Variants in COL24A1 observed in about 807,000 individuals in gnomAD.
COL24A1 encodes collagen type XXIV alpha 1 chain.
Under a neutral mutation model 253.9 loss-of-function variants are expected in COL24A1, and 224 were observed. The ratio of observed to expected loss-of-function variants is 0.88; its 90% CI spans 0.79 to 0.99. COL24A1 has a LOEUF of 0.99. COL24A1 is among the 50% of genes least tolerant of loss of function. COL24A1 has a pLI of 0.00. For missense variants in COL24A1, 2,131 were observed against 2,068.5 expected (o/e 1.03, Z -0.59); for synonymous variants, 685 against 673.7 (o/e 1.02, Z -0.26).
chr1:86,098,160 T>C (rs1458042121), intron 5 of COL24A1, among the ~76,000 whole-genome samples: 1 of 152,232 alleles, frequency 6.6e-6, no homozygotes, highest in Non-Finnish European at 1.5e-5. Flanking sequence ...GGATACTCCC[T>C]AGTCTGCATG....
intron 18 of COL24A1, among the ~76,000 whole-genome samples, chr1:86,018,664 T>A (rs767258751): frequency 3.3e-5 from 5 of 152,226 alleles, no homozygotes; most frequent in Non-Finnish European, 5.9e-5. Flanking sequence ...TTGTAAAATT[T>A]TGATTGCAAA....
chr1:85,981,903 T>A (rs1157384255), intron 20 of COL24A1, among the ~76,000 whole-genome samples: 2 of 152,100 alleles, frequency 1.3e-5, no homozygotes, highest in East Asian at 3.9e-4. Flanking sequence ...CCTGTTTACA[T>A]CAATGTTAAC....
chr1:86,095,168 A>G (rs1479764156), intron 5 of COL24A1, among the ~76,000 whole-genome samples: 2 of 152,142 alleles, frequency 1.3e-5, no homozygotes, highest in East Asian at 1.9e-4. Context: ...TTTAGATCCT[A>G]TTTGAATTTT....
chr1:86,053,849 A>G (rs78542341), intron 10 of COL24A1, among the ~76,000 whole-genome samples: 1,733 of 152,278 alleles, frequency 0.011, 37 homozygotes, highest in African/African-American at 0.039. Flanking sequence ...ATATTCATGT[A>G]CAATGCATAA....
chr1:86,032,063 A>T, intron 13 of COL24A1, 141 bp from the exon 14 acceptor site: 1 of 598,358 alleles, frequency 1.7e-6, no homozygotes. Context: ...AAACTCCCCT[A>T]ATCTATGCAT....
chr1:85,809,086 C>T (rs1672274408), intron 47 of COL24A1, among the ~76,000 whole-genome samples: 1 of 152,164 alleles, frequency 6.6e-6, no homozygotes, highest in African/African-American at 2.4e-5. Context: ...TTATGTTCTA[C>T]AATAGTGATG....
intron 12 of COL24A1, among the ~76,000 whole-genome samples, chr1:86,038,221 G>A (rs768882727): frequency 1.7e-4 from 26 of 151,690 alleles, no homozygotes; most frequent in Non-Finnish European, 3.5e-4. Context: ...TATTACCTCA[G>A]GAAGAATAAA....
intron 14 of COL24A1, among the ~76,000 whole-genome samples, chr1:86,028,141 C>T (rs1698223781): frequency 6.6e-6 from 1 of 152,130 alleles, no homozygotes. Flanking sequence ...TTTACAGGTT[C>T]ATAGATGGAA....
At chr1:85,828,149 A>T (rs1432835077) in intron 43 of COL24A1, among the ~76,000 whole-genome samples, 1 of 152,050 alleles carries the variant, frequency 6.6e-6, no homozygotes, top group Non-Finnish European at 1.5e-5. Flanking sequence ...TTCAAAGAAC[A>T]TCTTTATTTC....
chr1:85,768,038 A>G (rs1667553923), intron 53 of COL24A1, among the ~76,000 whole-genome samples: 1 of 152,202 alleles, frequency 6.6e-6, no homozygotes, highest in African/African-American at 2.4e-5. Context: ...AAAGAGAATG[A>G]CCGGAAATGA....
At chr1:85,986,093 A>C (rs1693698639) in intron 20 of COL24A1, among the ~76,000 whole-genome samples, 1 of 151,808 alleles carries the variant, frequency 6.6e-6, no homozygotes, top group Non-Finnish European at 1.5e-5. Flanking sequence ...GACTTCCCTG[A>C]CCCTGTGCTC....
chr1:85,831,946 C>T (rs528091552), intron 43 of COL24A1, among the ~76,000 whole-genome samples: 80 of 152,034 alleles, frequency 5.3e-4, no homozygotes, highest in Admixed American at 1.6e-3. Context: ...TCCCATTTGT[C>T]AATTTTTGCT....
intron 23 of COL24A1, 30 bp downstream of exon 23, chr1:85,964,979 T>C (rs1199881665): frequency 5.7e-6 from 9 of 1,577,790 alleles, no homozygotes; most frequent in Non-Finnish European, 6.9e-6. Context: ...AATTATATTT[T>C]AAAACTGATA....
intron 12 of COL24A1, chr1:86,045,770 T>C (rs1207636980): frequency 2.6e-6 from 1 of 380,764 alleles, no homozygotes; most frequent in Non-Finnish European, 5.2e-6. Context: ...ATTTTGTATT[T>C]CTTGACAGTT....
intron 41 of COL24A1, 118 bp from the exon 42 acceptor site, chr1:85,841,396 G>A: frequency 1.5e-6 from 1 of 666,848 alleles, no homozygotes; most frequent in East Asian, 3.1e-5. Context: ...CTTTTTTTAA[G>A]TGGAAAACTT....
chr1:86,029,460 A>AT (rs1698350954), intron 14 of COL24A1, among the ~76,000 whole-genome samples: 2 of 152,228 alleles, frequency 1.3e-5, no homozygotes, highest in Admixed American at 1.3e-4. Context: ...ATGTTAGAGA[A>AT]AAGTTTAAAT....
At chr1:85,873,801 CACA>C (rs1680817511) in intron 35 of COL24A1, among the ~76,000 whole-genome samples, 2 of 149,704 alleles carry the variant, frequency 1.3e-5, no homozygotes, top group South Asian at 4.3e-4. Flanking sequence ...GCACGTTGTG[CACA>C]TGTACCCTAG....
intron 43 of COL24A1, among the ~76,000 whole-genome samples, chr1:85,830,242 A>T (rs1246106982): frequency 6.6e-6 from 1 of 152,118 alleles, no homozygotes; most frequent in Non-Finnish European, 1.5e-5. Flanking sequence ...CTCGGGGGTC[A>T]GGGGTCAGGG....
intron 7 of COL24A1, among the ~76,000 whole-genome samples, chr1:86,076,396 C>T (rs1428750694): frequency 1.3e-5 from 2 of 152,126 alleles, no homozygotes; most frequent in African/African-American, 4.8e-5. Context: ...AGAGACAACA[C>T]AAACAAATGG....
Sources: allele counts gnomAD v4.1 joint callset (sites outside exome capture counted in the v4.1 genomes callset), GRCh38; gene constraint gnomAD v4.1.1; transcripts MANE v1.5; gene names NCBI Gene and HGNC (gene_info 2026-07-23, HGNC 2026-07-21).